The following STK3 variants were observed in gnomAD, a reference collection of about 807,000 sequenced individuals.
STK3 encodes serine/threonine-protein kinase 3.
In STK3, 41 loss-of-function variants were observed where a neutral mutation model predicts 58.0. The observed-to-expected ratio is 0.71, with a 90% CI of 0.55 to 0.92. STK3 has a LOEUF of 0.92. Ranked by LOEUF, STK3 falls within the 40% of genes least tolerant of loss-of-function variation. STK3 has a pLI of 0.00. For synonymous variants in STK3, 170 were observed against 191.0 expected, an observed-to-expected ratio of 0.89 and a Z score of 0.91; for missense variants, 479 against 602.7, an observed-to-expected ratio of 0.79 and a Z score of 2.15.
chr8:98,782,072 C>G (rs1377237939), intron 1 of STK3: 2 of 231,792 alleles, frequency 8.6e-6, no homozygotes, highest in African/African-American at 2.3e-5. Context: ...AGAGGCTTGC[C>G]TCTAGTGTCC....
chr8:98,631,447 C>T (rs540009555), intron 6 of STK3, among the ~76,000 whole-genome samples: 3 of 152,310 alleles, frequency 2.0e-5, no homozygotes, highest in East Asian at 1.9e-4. Context: ...CACAGTCACA[C>T]ATCAGTTTAC....
At chr8:98,872,971 T>C (rs527983193) in intron 3 of STK3, among the ~76,000 whole-genome samples, 186 of 152,254 alleles carry the variant, frequency 1.2e-3, no homozygotes, top group Non-Finnish European at 2.2e-3. Context: ...CTCTTGTGGG[T>C]ATTTAGTGCT....
intron 8 of STK3, among the ~76,000 whole-genome samples, chr8:98,560,836 C>T (rs377639141): frequency 2.7e-4 from 41 of 152,032 alleles, no homozygotes; most frequent in Admixed American, 1.8e-3. Context: ...AGTTTGAGAC[C>T]GGCCTGGGCA....
At chr8:98,376,710 G>T (rs186712518) in intron 2 of STK3, among the ~76,000 whole-genome samples, 1 of 152,220 alleles carries the variant, frequency 6.6e-6, no homozygotes, top group Non-Finnish European at 1.5e-5. Flanking sequence ...GATATTTAGA[G>T]TTCAATGGAA....
chr8:98,804,676 G>A (rs906817916), intron 1 of STK3, among the ~76,000 whole-genome samples: 7 of 152,180 alleles, frequency 4.6e-5, no homozygotes, highest in African/African-American at 1.7e-4. Context: ...AGCCTCTAGA[G>A]CACAGGATTC....
intron 10 of STK3, among the ~76,000 whole-genome samples, chr8:98,467,740 G>A (rs553250721): frequency 1.8e-4 from 28 of 151,840 alleles, no homozygotes; most frequent in Admixed American, 1.7e-3. Context: ...AATAATAAGG[G>A]GCTCATCCTT....
intron 6 of STK3, among the ~76,000 whole-genome samples, chr8:98,655,016 C>T (rs754412192): frequency 3.3e-5 from 5 of 151,892 alleles, no homozygotes; most frequent in African/African-American, 1.2e-4. Context: ...AAAAAGAGCC[C>T]GCATTGCCAA....
chr8:98,620,478 A>G (rs1017579835), intron 6 of STK3, among the ~76,000 whole-genome samples: 4 of 148,258 alleles, frequency 2.7e-5, no homozygotes, highest in African/African-American at 9.8e-5. Context: ...AAAAAAATAA[A>G]TAAATAAATA....
chr8:98,376,727 T>C (rs900951045), intron 2 of STK3, among the ~76,000 whole-genome samples: 3 of 152,200 alleles, frequency 2.0e-5, no homozygotes, highest in Non-Finnish European at 1.5e-5. Flanking sequence ...GGAAAACGTA[T>C]GTTTATAACT....
chr8:98,843,555 T>C (rs915278506), intron 3 of STK3, among the ~76,000 whole-genome samples: 1 of 152,176 alleles, frequency 6.6e-6, no homozygotes, highest in African/African-American at 2.4e-5. Flanking sequence ...AAAAATACTA[T>C]CTTTTGGTAG....
chr8:98,893,481 A>G (rs866676789), intron 1 of STK3, among the ~76,000 whole-genome samples: 4,739 of 69,632 alleles, frequency 0.068, 135 homozygotes, highest in Non-Finnish European at 0.1. Flanking sequence ...AAAGAAAGAA[A>G]GAAAGAGAAA....
intron 4 of STK3, among the ~76,000 whole-genome samples, chr8:98,711,793 G>A (rs1379511869): frequency 6.6e-6 from 1 of 152,124 alleles, no homozygotes; most frequent in Non-Finnish European, 1.5e-5. Flanking sequence ...ACGCCACAAA[G>A]ATACTCCTCA....
chr8:98,691,327 T>A (rs1391453219), intron 6 of STK3, among the ~76,000 whole-genome samples: 1 of 152,192 alleles, frequency 6.6e-6, no homozygotes, highest in East Asian at 1.9e-4. Flanking sequence ...AACACACCTA[T>A]TGCATAATGC....
At chr8:98,488,918 G>C (rs185820212) in intron 10 of STK3, among the ~76,000 whole-genome samples, 5 of 152,214 alleles carry the variant, frequency 3.3e-5, no homozygotes, top group Admixed American at 3.3e-4. Context: ...GCATTATATG[G>C]ACGTTTCTGG....
intron 3 of STK3, among the ~76,000 whole-genome samples, chr8:98,863,668 A>G (rs1436503236): frequency 6.6e-6 from 1 of 152,242 alleles, no homozygotes; most frequent in East Asian, 1.9e-4. Context: ...ATTACCATCC[A>G]TATTCTCACT....
chr8:98,898,792 AT>A (rs1303902747), intron 1 of STK3, among the ~76,000 whole-genome samples: 1 of 152,196 alleles, frequency 6.6e-6, no homozygotes, highest in Non-Finnish European at 1.5e-5. Flanking sequence ...TTCCTCCAGT[AT>A]TTAAAACGAA....
At chr8:98,854,421 G>A (rs1407110772) in intron 3 of STK3, among the ~76,000 whole-genome samples, 1 of 152,112 alleles carries the variant, frequency 6.6e-6, no homozygotes, top group Non-Finnish European at 1.5e-5. Flanking sequence ...TTACAGGCAT[G>A]AGCCACCATG....
At chr8:98,368,313 G>A (rs1278039810), downstream of STK3, among the ~76,000 whole-genome samples, 3 of 152,306 alleles carry the variant, frequency 2.0e-5, no homozygotes. Flanking sequence ...GGAAAGGGCA[G>A]GACTTCTCGC....
chr8:98,348,185 T>G, the STK3 span, among the ~76,000 whole-genome samples: 1 of 152,132 alleles, frequency 6.6e-6, no homozygotes, highest in Non-Finnish European at 1.5e-5. Flanking sequence ...CAAATGATAC[T>G]GGAATAATTG....
Sources: allele counts gnomAD v4.1 joint callset (sites outside exome capture counted in the v4.1 genomes callset), GRCh38; gene constraint gnomAD v4.1.1; transcripts MANE v1.5; gene names NCBI Gene and HGNC (gene_info 2026-07-23, HGNC 2026-07-21).